PI4KA: variants seen among roughly 807,000 people sequenced by gnomAD.
The protein encoded by PI4KA is phosphatidylinositol 4-kinase alpha, also known as PI4-kinase alpha.
PI4KA carries 122 observed loss-of-function variants against 271.4 expected under a neutral mutation model. The observed-to-expected ratio is 0.45, with a 90% CI of 0.39 to 0.52. The LOEUF is 0.52. Ranked by LOEUF, PI4KA falls within the 20% of genes least tolerant of loss-of-function variation. The pLI, the probability that PI4KA is intolerant of heterozygous loss-of-function variation, is 0.00. For missense variants in PI4KA, 1,969 were observed against 2,769.1 expected, an observed-to-expected ratio of 0.71 and a Z score of 6.48; for synonymous variants, 1,041 against 1,078.8, an observed-to-expected ratio of 0.96 and a Z score of 0.69.
chr22:20,832,331 G>A (rs1025782689), intron 3 of PI4KA, among the ~76,000 whole-genome samples: 2 of 152,032 alleles, frequency 1.3e-5, no homozygotes, highest in South Asian at 2.1e-4. Context: ...TGGCAAGGCT[G>A]GTCTTGAACT....
At chr22:20,783,867 G>A in intron 19 of PI4KA, 1 of 1,495,818 alleles carries the variant, frequency 6.7e-7, no homozygotes, top group African/African-American at 1.4e-5. Flanking sequence ...CGGCTCTGCA[G>A]GCTATCTGAA....
intron 11 of PI4KA, among the ~76,000 whole-genome samples, chr22:20,804,677 T>C (rs1935531170): frequency 1.3e-5 from 2 of 152,172 alleles, no homozygotes; most frequent in South Asian, 4.1e-4. Flanking sequence ...AGCTTCCATG[T>C]CACCACAGAA....
Position 20,799,144 on chromosome 22 carries a change from G to C in PI4KA, c.1953C>G (p.Pro651=), listed in dbSNP as rs368298446. 223 of 1,613,078 alleles carry C rather than the reference G, an allele frequency of 1.4e-4. 2 individuals carry two copies. In the South Asian group the frequency reaches 1.5e-3, roughly 11 times the overall value. Residue 651 remains proline, a synonymous_variant, in exon 16 of 55, where the codon CCC becomes CCG. Transcript: ENST00000255882. ...GCTGGTCAATAATCAGCACATCGAG[G>C]GGGGAGGGTGGCTGGCAGAATTTCT... ...LQQKFCQPPS[P]LDVLIIDQLG...
intron 31 of PI4KA, 29 bp from the exon 32 acceptor site, chr22:20,742,384 C>A: frequency 6.2e-7 from 1 of 1,608,148 alleles, no homozygotes; most frequent in Non-Finnish European, 8.5e-7. Context: ...CAGTCAGAGG[C>A]CTCCAACAAC....
At chr22:20,751,146 T>TCTC (rs1411808703) in intron 27 of PI4KA, 147 bp downstream of exon 27, 2 of 621,560 alleles carry the variant, frequency 3.2e-6, no homozygotes, top group Non-Finnish European at 5.5e-6. Context: ...AATGGCTTGG[T>TCTC]CTCCTCACTG....
intron 19 of PI4KA, among the ~76,000 whole-genome samples, chr22:20,783,435 T>TAAA (rs362069): frequency 7.3e-6 from 1 of 136,068 alleles, no homozygotes; most frequent in African/African-American, 2.7e-5. Context: ...CATCTACAAT[T>TAAA]AAAAAAAAAA....
chr22:20,711,179 A>G (rs1461035243), intron 51 of PI4KA, 162 bp downstream of exon 51: 2 of 554,276 alleles, frequency 3.6e-6, no homozygotes, highest in Non-Finnish European at 6.3e-6. Flanking sequence ...CACCCTCTAC[A>G]GCAGAACAGC....
At chr22:20,785,983 C>T (rs1426610229) in intron 19 of PI4KA, 7 of 1,614,030 alleles carry the variant, frequency 4.3e-6, no homozygotes, top group African/African-American at 2.7e-5. Context: ...AAACTGGGCC[C>T]CCCTTTCCTT....
At chr22:20,853,485 T>C (rs997183735) in intron 1 of PI4KA, among the ~76,000 whole-genome samples, 1 of 152,194 alleles carries the variant, frequency 6.6e-6, no homozygotes, top group Non-Finnish European at 1.5e-5. Context: ...GCCAACTGTA[T>C]ATGGAGATCC....
Position 20,727,401 on chromosome 22 carries a change from C to A in PI4KA, c.4774-4G>T, listed in dbSNP as rs1245825835. 6.3e-7 allele frequency: 1 copy of A among 1,597,660 alleles called. No homozygotes were observed. The highest frequency in any genetic ancestry group is 1.1e-5 in the South Asian group (1 of 89,528). Reference sequence around the variant, plus strand: ...TGGTGTGCCAGGTGACCAGGAACTGCAGAGAAGGTGGGGAGATGCTGTGGC... The same window carrying A: ...TGGTGTGCCAGGTGACCAGGAACTGAAGAGAAGGTGGGGAGATGCTGTGGC... On this transcript the variant is annotated splice_polypyrimidine_tract_variant and splice_region_variant and intron_variant, in intron 40 of 54. Coordinates refer to ENST00000255882, the MANE Select transcript of PI4KA (RefSeq NM_058004.4).
intron 41 of PI4KA, 37 bp downstream of exon 41, chr22:20,727,193 C>T: frequency 6.3e-7 from 1 of 1,590,760 alleles, no homozygotes; most frequent in Non-Finnish European, 8.5e-7. Flanking sequence ...TCCCAACAGT[C>T]CTACCAGAGG....
At chr22:20,777,404 G>C (rs866668997) in intron 19 of PI4KA, among the ~76,000 whole-genome samples, 1 of 152,040 alleles carries the variant, frequency 6.6e-6, no homozygotes, top group African/African-American at 2.4e-5. Flanking sequence ...TTTTTGTAGA[G>C]ACAGGGTTTC....
chr22:20,768,206 C>CT (rs1354303328), intron 19 of PI4KA, among the ~76,000 whole-genome samples: 1 of 151,844 alleles, frequency 6.6e-6, no homozygotes. Context: ...TATTGTTTTT[C>CT]TTTTTTTCAT....
intron 48 of PI4KA, 80 bp downstream of exon 48, chr22:20,713,201 G>A: frequency 2.0e-6 from 2 of 995,302 alleles, no homozygotes; most frequent in South Asian, 1.4e-5. Flanking sequence ...CTGCATATGA[G>A]ATTGGACTCT....
At chr22:20,805,561 G>A (rs111357184) in intron 10 of PI4KA, among the ~76,000 whole-genome samples, 6 of 152,104 alleles carry the variant, frequency 3.9e-5, no homozygotes, top group Admixed American at 6.5e-5. Flanking sequence ...GGCCAGGCGC[G>A]GTGGCTCACG....
rs184726111 is a variant in PI4KA, at chr22:20,829,334, C to G, written c.368-4920G>C. On this transcript the variant is annotated intron_variant, in intron 3 of 54. Coordinates refer to ENST00000255882, the MANE Select transcript of PI4KA (RefSeq NM_058004.4). Reference sequence around the variant, plus strand: ...TTTTACTACTGACTCAATTTCGGAACTTGTTATTTGTCTGTTCAGGGATTC... The same window carrying G: ...TTTTACTACTGACTCAATTTCGGAAGTTGTTATTTGTCTGTTCAGGGATTC... Among the ~76,000 whole-genome samples the G allele has an allele frequency of 1.3e-3, 195 of 152,202 alleles. 1 individual carries two copies. The highest frequency in any genetic ancestry group is 3.4e-3 in the Middle Eastern group (1 of 294).
At chr22:20,724,988 G>A (rs1927180047) in intron 42 of PI4KA, among the ~76,000 whole-genome samples, 2 of 152,360 alleles carry the variant, frequency 1.3e-5, no homozygotes, top group South Asian at 4.1e-4. Context: ...ACCACTCAGA[G>A]GCGCAGAGAG....
intron 1 of PI4KA, among the ~76,000 whole-genome samples, chr22:20,840,056 CT>C (rs1220998806): frequency 2.0e-5 from 3 of 152,192 alleles, no homozygotes; most frequent in Non-Finnish European, 2.9e-5. Flanking sequence ...CTATGCAATA[CT>C]TTATCAATAC....
rs532370361 is a variant in PI4KA, at chr22:20,779,478, C to T, written c.2328+13715G>A. The T allele has an allele frequency of 8.7e-6, 14 of 1,614,168 alleles. No individual in the cohort carries two copies. The South Asian group carries it at 1.3e-4, about 15-fold the overall frequency. The stretch of plus-strand genomic sequence containing the variant: ...CAAAAACCTGAGCATGCCTCTTCTC[C>T]CTGCCGACTTCCACAAGGAAAACAC... On this transcript the variant is annotated intron_variant, in intron 19 of 54. Transcript: ENST00000255882.
Sources: allele counts gnomAD v4.1 joint callset (sites outside exome capture counted in the v4.1 genomes callset), GRCh38; gene constraint gnomAD v4.1.1; transcripts MANE v1.5; gene names NCBI Gene and HGNC (gene_info 2026-07-23, HGNC 2026-07-21).